COG1: variants seen among roughly 807,000 people sequenced by gnomAD.
The protein encoded by COG1 is conserved oligomeric Golgi complex subunit 1.
COG1 carries 61 observed loss-of-function variants against 102.2 expected under a neutral mutation model. That is an observed-to-expected ratio of 0.60 (90% CI 0.49 to 0.74). The LOEUF (loss-of-function observed/expected upper bound fraction) is 0.74, where lower values mean the gene tolerates loss of function less well. COG1 is among the 30% of genes least tolerant of loss of function. The pLI is 0.00. For synonymous variants in COG1, 454 were observed against 493.6 expected (o/e 0.92, Z 1.06); for missense variants, 1,164 against 1,232.1 (o/e 0.94, Z 0.83).
chr17:73,203,491 G>A, intron 8 of COG1, 141 bp from the exon 9 acceptor site: 1 of 1,028,660 alleles, frequency 9.7e-7, no homozygotes, highest in East Asian at 2.5e-5. Flanking sequence ...TGTGTCTGCT[G>A]AACAGTCTGC....
In COG1 at chr17:73,199,975, A is replaced by T. The variant is rs761212185; in HGVS notation, c.1024A>T (p.Ile342Phe). Residue 342 changes from isoleucine to phenylalanine, a missense_variant, in exon 5 of 14, where the codon ATC becomes TTC. Transcript: ENST00000299886. ...QPTLRTLAHP[I>F]SQEYLKDTLQ... ...AACACTCCGAACCCTTGCACATCCCATCAGTCAGGAATACCTGAAAGACAC... is the reference window on the plus strand; with the variant it reads ...AACACTCCGAACCCTTGCACATCCCTTCAGTCAGGAATACCTGAAAGACAC... 1 of 1,613,950 alleles carries T rather than the reference A, an allele frequency of 6.2e-7. No individual in the cohort carries two copies. Among genetic ancestry groups the T allele is most frequent in the African/African-American group, 1.3e-5 (1 of 74,934 alleles).
intron 1 of COG1, among the ~76,000 whole-genome samples, chr17:73,194,595 C>T (rs957743658): frequency 6.6e-6 from 1 of 152,016 alleles, no homozygotes; most frequent in Admixed American, 6.5e-5. Flanking sequence ...ACCCGCGTAG[C>T]TGGGATTACA....
intron 12 of COG1, 136 bp from the exon 13 acceptor site, chr17:73,207,045 A>C (rs931599398): frequency 2.6e-6 from 2 of 769,074 alleles, no homozygotes; most frequent in Non-Finnish European, 2.1e-6. Context: ...GTGAGCCGAG[A>C]TTGCGCCACT....
At chr17:73,203,976 C>T (rs987946351) in intron 9 of COG1, among the ~76,000 whole-genome samples, 183 bp downstream of exon 9, 2 of 152,242 alleles carry the variant, frequency 1.3e-5, no homozygotes, top group Middle Eastern at 3.4e-3. Flanking sequence ...AGTTTACTTA[C>T]ACTCATTCTA....
At chr17:73,205,730 A>G (rs760141018) in intron 10 of COG1, 50 bp downstream of exon 10, 1 of 1,611,350 alleles carries the variant, frequency 6.2e-7, no homozygotes, top group South Asian at 1.1e-5. Flanking sequence ...TCCAAAAGCA[A>G]ATAGTCCCTT....
chr17:73,198,165 GAAC>G lies in COG1; in HGVS notation c.913+772_913+774del, dbSNP rs2061332843. On this transcript the variant is annotated intron_variant, in intron 4 of 13. Coordinates refer to ENST00000299886, the MANE Select transcript of COG1 (RefSeq NM_018714.3). The stretch of plus-strand genomic sequence containing the variant: ...GCCGCTGGGAGCTTGGGTTACGAAG[GAAC>G]AATAGAGACGGAGCTAATTGCATGT... 7.2e-5 allele frequency among the ~76,000 whole-genome samples: 10 copies of G among 139,276 alleles called. No homozygotes were observed. In the South Asian group the frequency reaches 2.5e-3, roughly 34 times the overall value. The allele number at this position is 139,276 out of a possible 152,430, so 91.4% of individuals were successfully genotyped here.
chr17:73,194,039 TCTC>T (rs921946029), intron 1 of COG1, among the ~76,000 whole-genome samples: 2 of 152,102 alleles, frequency 1.3e-5, no homozygotes, highest in African/African-American at 4.8e-5. Flanking sequence ...TCATTCAGGT[TCTC>T]CTTATCCCGT....
chr17:73,206,843 G>A (rs781584420), intron 12 of COG1, 26 bp downstream of exon 12: 18 of 1,536,680 alleles, frequency 1.2e-5, no homozygotes, highest in African/African-American at 5.5e-5. Context: ...AGGCTTCTGC[G>A]GGGCACTTCG....
chr17:73,206,208 C>T lies in COG1; in HGVS notation c.2565C>T (p.Asp855=), dbSNP rs141986125. 9.9e-6 allele frequency: 16 copies of T among 1,614,072 alleles called. No individual in the cohort carries two copies. The highest frequency in any genetic ancestry group is 3.3e-5 in the South Asian group (3 of 91,088). Residue 855 remains aspartate (D), a synonymous_variant, in exon 11 of 14, where the codon GAC becomes GAT. Transcript: ENST00000299886. ...CCCTCATTGATCCATTTGACCTGGA[C>T]GTTTTCACGCCACACCTCAACAGCA... ...LEALIDPFDL[D]VFTPHLNSNL...
chr17:73,205,681 G>A lies in COG1; in HGVS notation c.2510+1G>A. On this transcript the variant is annotated splice_donor_variant, in intron 10 of 13. Coordinates refer to ENST00000299886, the MANE Select transcript of COG1 (RefSeq NM_018714.3). LOFTEE classifies it high-confidence loss of function. The stretch of plus-strand genomic sequence containing the variant: ...GTGGCCGGAGCAAGCCAGACTCCAG[G>A]TGTCGTATCCTCTAGGGAGCTATGT... 6.2e-7 allele frequency: 1 copy of A among 1,613,572 alleles called. No individual in the cohort carries two copies. The highest frequency in any genetic ancestry group is 8.5e-7 in the Non-Finnish European group (1 of 1,180,018).
chr17:73,201,325 A>T lies in COG1; in HGVS notation c.1498A>T (p.Ser500Cys), dbSNP rs143051453. ...CGTGGCAAACCGGGGTCAGTTTGCC[A>T]GTAGCGGCCTCTCCATGAAAGCACA... Reference protein sequence around the residue: ...VSVANRGQFASSGLSMKAQAI... With the variant: ...VSVANRGQFACSGLSMKAQAI... Residue 500 changes from serine to cysteine, a missense_variant, in exon 7 of 14, where the codon AGT (serine) becomes TGT (cysteine). Coordinates refer to ENST00000299886, the MANE Select transcript of COG1 (RefSeq NM_018714.3). 157 of 1,614,212 alleles carry T rather than the reference A, an allele frequency of 9.7e-5. No homozygotes were observed. In the African/African-American group the frequency reaches 1.9e-3, roughly 19 times the overall value.
chr17:73,194,610 C>T (rs1343893860), intron 1 of COG1, among the ~76,000 whole-genome samples: 1 of 151,924 alleles, frequency 6.6e-6, no homozygotes, highest in Non-Finnish European at 1.5e-5. Flanking sequence ...ATTACAGGCA[C>T]CTGCCACCAT....
In COG1 at chr17:73,208,476, T is replaced by C. The variant is rs1333204003; in HGVS notation, c.*25T>C. On this transcript the variant is annotated 3_prime_UTR_variant, in exon 14 of 14. Transcript: ENST00000299886. Reference sequence around the variant, plus strand: ...ACATGGCAACACATCTGTCTCTCCCTAAATAAATACTACCACATTATTTCT... The same window carrying C: ...ACATGGCAACACATCTGTCTCTCCCCAAATAAATACTACCACATTATTTCT... 1 of 1,611,774 alleles carries C rather than the reference T, an allele frequency of 6.2e-7. No individual in the cohort carries two copies. Among genetic ancestry groups the C allele is most frequent in the East Asian group, 2.2e-5 (1 of 44,878 alleles).
At chr17:73,204,938 G>T (rs2061362020) in intron 9 of COG1, among the ~76,000 whole-genome samples, 1 of 152,148 alleles carries the variant, frequency 6.6e-6, no homozygotes, top group South Asian at 2.1e-4. Flanking sequence ...CAAGGCGGGT[G>T]GATCACTTGA....
At chr17:73,193,731 A>G (rs2061312502) in intron 1 of COG1, among the ~76,000 whole-genome samples, 2 of 151,952 alleles carry the variant, frequency 1.3e-5, no homozygotes, top group East Asian at 3.9e-4. Flanking sequence ...CACCTATATA[A>G]CATGTCCTGA....
At chr17:73,194,226 A>G (rs2061315950) in intron 1 of COG1, among the ~76,000 whole-genome samples, 1 of 147,282 alleles carries the variant, frequency 6.8e-6, no homozygotes, top group South Asian at 2.2e-4. Context: ...GTGGATCACG[A>G]GGTCAGGAGA....
At chr17:73,193,627 C>T (rs889879989) in intron 1 of COG1, among the ~76,000 whole-genome samples, 1 of 152,238 alleles carries the variant, frequency 6.6e-6, no homozygotes, top group African/African-American at 2.4e-5. Context: ...AGGCGCTTTC[C>T]CCCGACTTCC....
At chr17:73,196,437 C>T (rs566055935) in intron 1 of COG1, 70 bp from the exon 2 acceptor site, 2 of 1,611,792 alleles carry the variant, frequency 1.2e-6, no homozygotes, top group Admixed American at 1.7e-5. Context: ...CAGATTTCTT[C>T]CTAAGCCTAC....
chr17:73,194,975 A>C (rs1415310775), intron 1 of COG1, among the ~76,000 whole-genome samples: 1 of 152,216 alleles, frequency 6.6e-6, no homozygotes, highest in Non-Finnish European at 1.5e-5. Context: ...GACACAATAA[A>C]ACTATAGGAA....
Sources: allele counts gnomAD v4.1 joint callset (sites outside exome capture counted in the v4.1 genomes callset), GRCh38; gene constraint gnomAD v4.1.1; transcripts MANE v1.5; gene names NCBI Gene and HGNC (gene_info 2026-07-23, HGNC 2026-07-21).